PTPRN2: variants seen among roughly 807,000 people sequenced by gnomAD.
PTPRN2 encodes receptor-type tyrosine-protein phosphatase N2.
In PTPRN2, 74 loss-of-function variants were observed where a neutral mutation model predicts 118.8. That is an observed-to-expected ratio of 0.62 (90% confidence interval 0.52 to 0.76). The LOEUF (loss-of-function observed/expected upper bound fraction) is 0.76. Ranked by LOEUF, PTPRN2 falls within the 30% of genes least tolerant of loss-of-function variation. PTPRN2 has a pLI of 0.00. For synonymous variants in PTPRN2, 641 were observed against 608.0 expected, an observed-to-expected ratio of 1.05 and a Z score of -0.80; for missense variants, 1,481 against 1,394.4, an observed-to-expected ratio of 1.06 and a Z score of -0.99.
Position 157,671,995 on chromosome 7 carries a change from C to T in PTPRN2, c.2001+10730G>A, listed in dbSNP as rs561506728. ...CCTGGAGGAAAACCCGTGAGCGAGT[C>T]GTGGAGGGAGTGTGAGGGTTTTTGG... On this transcript the variant is annotated intron_variant, in intron 13 of 22. Transcript: ENST00000389418. This position sits in a 1 kb window ranked among gnomAD's most constrained non-coding sequence, Gnocchi z 4.1. Among the ~76,000 whole-genome samples, 349 of 152,140 alleles carry T rather than the reference C, an allele frequency of 2.3e-3. 2 individuals carry two copies. Among genetic ancestry groups the T allele is most frequent in the African/African-American group, 8.1e-3 (336 of 41,506 alleles).
intron 12 of PTPRN2, among the ~76,000 whole-genome samples, chr7:157,816,230 G>C (rs1175877548): frequency 6.6e-6 from 1 of 152,208 alleles, no homozygotes; most frequent in Non-Finnish European, 1.5e-5. Flanking sequence ...GTGGAGACCA[G>C]CTGCTGCCCC....
intron 12 of PTPRN2, among the ~76,000 whole-genome samples, chr7:157,855,033 G>A (rs1419659232): frequency 6.7e-6 from 1 of 149,792 alleles, no homozygotes; most frequent in Admixed American, 6.7e-5. Flanking sequence ...AGGGAGGCTG[G>A]CTTTGCTGTT....
chr7:157,584,718 G>T (rs1016960288), intron 17 of PTPRN2, among the ~76,000 whole-genome samples: 6 of 152,370 alleles, frequency 3.9e-5, no homozygotes, highest in African/African-American at 1.4e-4. Flanking sequence ...AAAAGGATGA[G>T]GAGTCAGTTA....
At chr7:157,968,748 CCTG>C (rs1264683641) in intron 11 of PTPRN2, among the ~76,000 whole-genome samples, 2 of 152,050 alleles carry the variant, frequency 1.3e-5, no homozygotes, top group African/African-American at 4.8e-5. Context: ...CAAGTAAATT[CCTG>C]CTATCATTTT....
rs567911775 is a variant in PTPRN2 at position 157,810,722 on chromosome 7, G to A, written c.1788+87951C>T. Among the ~76,000 whole-genome samples, 43 of 144,452 alleles carry A rather than the reference G, an allele frequency of 3.0e-4. No individual in the cohort carries two copies. In the South Asian group the frequency reaches 8.9e-3, roughly 30 times the overall value. The allele number at this position is 144,452 out of a possible 152,430, so 94.8% of individuals were successfully genotyped here. On this transcript the variant is annotated intron_variant, in intron 12 of 22. Transcript: ENST00000389418. The stretch of plus-strand genomic sequence containing the variant: ...GGGGCTGGCTCTCCACGGGGACGGC[G>A]GGACTGCTGGAGGCTGGCTCTCCAC...
intron 2 of PTPRN2, among the ~76,000 whole-genome samples, chr7:158,333,847 C>T (rs1305588105): frequency 2.0e-3 from 274 of 133,756 alleles, no homozygotes; most frequent in African/African-American, 7.3e-3. Context: ...CACCATAGAG[C>T]TGACACCCGC....
chr7:157,954,872 T>G (rs1477330560), intron 11 of PTPRN2, among the ~76,000 whole-genome samples: 2 of 152,132 alleles, frequency 1.3e-5, no homozygotes, highest in Non-Finnish European at 2.9e-5. Context: ...TCATTTCTAT[T>G]TACTCCTGCA....
chr7:158,141,085 C>T (rs1277717106), intron 6 of PTPRN2, among the ~76,000 whole-genome samples: 1 of 152,116 alleles, frequency 6.6e-6, no homozygotes, highest in East Asian at 1.9e-4. Flanking sequence ...CTAGAGGGGT[C>T]TCACCACGAC....
chr7:158,158,749 T>G (rs111711620), intron 6 of PTPRN2, among the ~76,000 whole-genome samples: 2 of 22,578 alleles, frequency 8.9e-5, no homozygotes, highest in African/African-American at 3.4e-4. Context: ...ATGAGTGAAC[T>G]CGGAAGAATC....
chr7:158,217,969 C>T (rs1828071424), intron 3 of PTPRN2, among the ~76,000 whole-genome samples: 1 of 152,132 alleles, frequency 6.6e-6, no homozygotes, highest in Non-Finnish European at 1.5e-5. Flanking sequence ...CTATGACTCA[C>T]TGGCATTTCT....
At chr7:158,415,944 G>A (rs1320780522) in intron 2 of PTPRN2, among the ~76,000 whole-genome samples, 1 of 152,172 alleles carries the variant, frequency 6.6e-6, no homozygotes, top group Non-Finnish European at 1.5e-5. Context: ...TGTCTGCTGT[G>A]GCTGGGGCTC....
chr7:158,132,973 T>C (rs1818496888), intron 9 of PTPRN2, among the ~76,000 whole-genome samples: 1 of 152,316 alleles, frequency 6.6e-6, no homozygotes, highest in South Asian at 2.1e-4. Flanking sequence ...ACAACACTTG[T>C]ACAAAGCAAA....
chr7:157,545,634 G>A (rs1046974492), intron 22 of PTPRN2, among the ~76,000 whole-genome samples: 8 of 152,096 alleles, frequency 5.3e-5, no homozygotes, highest in African/African-American at 1.9e-4. Flanking sequence ...TGTGGTCGGG[G>A]ACTGAGTTGC....
chr7:158,428,107 T>A (rs1815882692), intron 2 of PTPRN2, among the ~76,000 whole-genome samples: 1 of 152,222 alleles, frequency 6.6e-6, no homozygotes, highest in African/African-American at 2.4e-5. Context: ...ACCAAGTGTT[T>A]AAAGAAGGTT....
At chr7:157,791,450 T>C (rs1804486778) in intron 12 of PTPRN2, among the ~76,000 whole-genome samples, 1 of 152,204 alleles carries the variant, frequency 6.6e-6, no homozygotes, top group South Asian at 2.1e-4. Flanking sequence ...TCGGGACTGG[T>C]GCAGGCGGAT....
chr7:157,822,166 A>G (rs1352962127), intron 12 of PTPRN2, among the ~76,000 whole-genome samples: 1 of 151,580 alleles, frequency 6.6e-6, no homozygotes, highest in Non-Finnish European at 1.5e-5. Context: ...ATCCATCTAT[A>G]CACTATCCAT....
chr7:158,114,365 T>A lies in PTPRN2; in HGVS notation c.1557-3450A>T, dbSNP rs76346264. On this transcript the variant is annotated intron_variant, in intron 9 of 22. Transcript: ENST00000389418. ...ACTGGTGCTGACACTTGTTCAGGCATCTGCTTTGGGAACCCCTTGGCCAAA... is the reference window on the plus strand; with the variant it reads ...ACTGGTGCTGACACTTGTTCAGGCAACTGCTTTGGGAACCCCTTGGCCAAA... Among the ~76,000 whole-genome samples the A allele has an allele frequency of 3.8e-3, 572 of 152,326 alleles. 5 individuals are homozygous for A. Among genetic ancestry groups the A allele is most frequent in the African/African-American group, 0.013 (559 of 41,586 alleles).
intron 17 of PTPRN2, among the ~76,000 whole-genome samples, chr7:157,594,847 C>A (rs752749945): frequency 1.2e-4 from 19 of 152,212 alleles, no homozygotes; most frequent in Non-Finnish European, 1.9e-4. Flanking sequence ...AGATGCCCTA[C>A]AGGACTCCAG....
chr7:158,437,023 C>T (rs1816618303), intron 2 of PTPRN2, among the ~76,000 whole-genome samples: 1 of 152,164 alleles, frequency 6.6e-6, no homozygotes, highest in Non-Finnish European at 1.5e-5. Context: ...AATCATAGCT[C>T]TCATCGCCTC....
Sources: gnomAD v4.1 joint callset for allele counts (sites outside exome capture counted in the v4.1 genomes callset) on GRCh38, gnomAD v4.1.1 for gene constraint, Gnocchi (gnomAD v3.1) non-coding constraint, MANE v1.5 for transcripts, NCBI Gene and HGNC (gene_info 2026-07-23, HGNC 2026-07-21) for gene names.